NEK10: variants seen among roughly 807,000 people sequenced by gnomAD.
NEK10 encodes NIMA related kinase 10, also known as serine/threonine-protein kinase Nek10.
Under a neutral mutation model 159.8 loss-of-function variants are expected in NEK10, and 122 were observed. The ratio of observed to expected loss-of-function variants is 0.76; its 90% CI spans 0.66 to 0.89. The LOEUF is 0.89. Ranked by LOEUF, NEK10 falls within the 40% of genes least tolerant of loss-of-function variation. NEK10 has a pLI of 0.00. For missense variants in NEK10, 1,342 were observed against 1,323.1 expected, an observed-to-expected ratio of 1.01 and a Z score of -0.22; for synonymous variants, 466 against 457.1, an observed-to-expected ratio of 1.02 and a Z score of -0.25.
chr3:27,311,779 T>G (rs769039638), intron 8 of NEK10: 1 of 292,754 alleles, frequency 3.4e-6, no homozygotes, highest in African/African-American at 2.2e-5. Flanking sequence ...CCCAACTTTA[T>G]AGAAAAAAAA....
At chr3:27,239,224 T>C (rs1575405535) in intron 23 of NEK10, among the ~76,000 whole-genome samples, 1 of 152,204 alleles carries the variant, frequency 6.6e-6, no homozygotes, top group East Asian at 1.9e-4. Context: ...ACTAAGAATG[T>C]TAAGTGCCCA....
At chr3:27,276,714 A>T (rs536006786) in intron 22 of NEK10, among the ~76,000 whole-genome samples, 1 of 152,250 alleles carries the variant, frequency 6.6e-6, no homozygotes, top group African/African-American at 2.4e-5. Flanking sequence ...CATACCTCAC[A>T]TCTCATTAAC....
chr3:27,345,079 A>T (rs927028550), intron 4 of NEK10, among the ~76,000 whole-genome samples: 1 of 152,364 alleles, frequency 6.6e-6, no homozygotes, highest in African/African-American at 2.4e-5. Context: ...TACCAAATAC[A>T]TGATACAATA....
intron 30 of NEK10, among the ~76,000 whole-genome samples, chr3:27,156,929 G>GATATATATATAT (rs4016654): frequency 2.1e-4 from 6 of 28,340 alleles, no homozygotes; most frequent in Non-Finnish European, 3.5e-4. Flanking sequence ...TAAAGAAACT[G>GATATATATATAT]ATATATATAT....
chr3:27,288,518 G>T (rs572642747), intron 19 of NEK10, among the ~76,000 whole-genome samples: 1 of 152,192 alleles, frequency 6.6e-6, no homozygotes, highest in Admixed American at 6.5e-5. Flanking sequence ...CTGACCATTG[G>T]CTCTGAGTCC....
intron 23 of NEK10, among the ~76,000 whole-genome samples, chr3:27,212,429 T>C (rs1951087166): frequency 6.6e-6 from 1 of 152,230 alleles, no homozygotes; most frequent in Non-Finnish European, 1.5e-5. Flanking sequence ...CTTTCATCTG[T>C]GAAGCAGAAG....
At chr3:27,151,423 G>T (rs1426476366) in intron 30 of NEK10, among the ~76,000 whole-genome samples, 3 of 152,256 alleles carry the variant, frequency 2.0e-5, no homozygotes, top group Admixed American at 1.3e-4. Flanking sequence ...CTGAGGTTCA[G>T]TTCACAGGAG....
chr3:27,122,792 T>C (rs534868463), intron 32 of NEK10, among the ~76,000 whole-genome samples: 8 of 152,276 alleles, frequency 5.3e-5, no homozygotes, highest in Non-Finnish European at 8.8e-5. Context: ...AAAAATTACA[T>C]GAATTGTGAC....
intron 29 of NEK10, among the ~76,000 whole-genome samples, chr3:27,164,735 T>C (rs1200891744): frequency 6.6e-6 from 1 of 152,206 alleles, no homozygotes; most frequent in Non-Finnish European, 1.5e-5. Context: ...ATGTAGCTGC[T>C]AAACCTGCAA....
At chr3:27,242,343 A>G (rs1373601175) in intron 23 of NEK10, among the ~76,000 whole-genome samples, 1 of 152,178 alleles carries the variant, frequency 6.6e-6, no homozygotes, top group Non-Finnish European at 1.5e-5. Flanking sequence ...TGATCAATCT[A>G]TTGCCATCCA....
intron 23 of NEK10, among the ~76,000 whole-genome samples, chr3:27,247,818 T>C (rs2149285779): frequency 7.1e-6 from 1 of 140,388 alleles, no homozygotes; most frequent in South Asian, 2.3e-4. Flanking sequence ...TTCTTTTCTT[T>C]TCTTTTTTTT....
At chr3:27,141,420 A>G in intron 31 of NEK10, 62 bp downstream of exon 31, 1 of 1,235,240 alleles carries the variant, frequency 8.1e-7, no homozygotes, top group Admixed American at 1.9e-5. Context: ...ATAGTTCTTC[A>G]GCAATATTAG....
chr3:27,150,697 A>G (rs1303632797), intron 30 of NEK10, among the ~76,000 whole-genome samples: 1 of 152,192 alleles, frequency 6.6e-6, no homozygotes, highest in East Asian at 1.9e-4. Context: ...CATAACATCC[A>G]TTCTGCAGTC....
intron 12 of NEK10, among the ~76,000 whole-genome samples, chr3:27,303,778 A>G (rs1044245878): frequency 2.0e-5 from 3 of 152,256 alleles, no homozygotes; most frequent in African/African-American, 7.2e-5. Context: ...AAGCATAACA[A>G]ATACAAAGTC....
At chr3:27,344,626 T>C (rs565999998) in intron 4 of NEK10, among the ~76,000 whole-genome samples, 1 of 152,352 alleles carries the variant, frequency 6.6e-6, no homozygotes, top group African/African-American at 2.4e-5. Flanking sequence ...ATGTATTTCC[T>C]TTTATCATAT....
At chr3:27,210,875 T>C (rs1423406620) in intron 23 of NEK10, among the ~76,000 whole-genome samples, 1 of 152,068 alleles carries the variant, frequency 6.6e-6, no homozygotes, top group Non-Finnish European at 1.5e-5. Context: ...CCTGGAAGAG[T>C]TGTCAATGTC....
At chr3:27,254,848 T>A (rs1266212606) in intron 23 of NEK10, among the ~76,000 whole-genome samples, 1 of 151,996 alleles carries the variant, frequency 6.6e-6, no homozygotes, top group African/African-American at 2.4e-5. Flanking sequence ...GTGTTTGCGC[T>A]AATACGGCAA....
intron 22 of NEK10, among the ~76,000 whole-genome samples, chr3:27,264,821 C>T (rs1399029830): frequency 4.0e-5 from 6 of 151,768 alleles, no homozygotes; most frequent in Non-Finnish European, 4.4e-5. Context: ...TGGAACCCGG[C>T]GGGCAGAGCT....
chr3:27,203,992 T>C (rs61198890), intron 23 of NEK10, among the ~76,000 whole-genome samples: 13,128 of 152,118 alleles, frequency 0.086, 1,861 homozygotes, highest in African/African-American at 0.3. Context: ...TATCAACTGC[T>C]CATGTTAAAA....
Sources: gnomAD v4.1 joint callset for allele counts (sites outside exome capture counted in the v4.1 genomes callset) on GRCh38, gnomAD v4.1.1 for gene constraint, MANE v1.5 for transcripts, NCBI Gene and HGNC (gene_info 2026-07-23, HGNC 2026-07-21) for gene names.